The following PRDM10 variants were observed in gnomAD, a reference collection of about 807,000 sequenced individuals.
The protein encoded by PRDM10 is PR domain zinc finger protein 10.
Under a neutral mutation model 133.1 loss-of-function variants are expected in PRDM10, and 65 were observed. The observed-to-expected ratio is 0.49, with a 90% CI of 0.40 to 0.60. PRDM10 has a LOEUF of 0.60. PRDM10 is among the 20% of genes least tolerant of loss of function. The pLI is 0.00. For missense variants in PRDM10, 1,137 were observed against 1,507.1 expected (o/e 0.75, Z 4.07); for synonymous variants, 582 against 580.4 (o/e 1.00, Z -0.04).
In PRDM10 at chr11:129,931,362, G is replaced by GA. The variant is rs886093563; in HGVS notation, c.1288-105dup. 20 of 1,414,100 alleles carry GA rather than the reference G, an allele frequency of 1.4e-5. No homozygotes were observed. The African/African-American group carries it at 2.5e-4, about 17-fold the overall frequency. 87.6% of individuals were successfully genotyped at this position (1,414,100 alleles called of 1,614,324 possible). A position where few individuals can be genotyped will look rare whatever the true frequency, so the allele number is the denominator to read the frequency against. Reference sequence around the variant, plus strand: ...AGAATGACTAGATTCATAATACTCAGAAAAAATATTCTCCCTCTGGGAAAG... The same window carrying GA: ...AGAATGACTAGATTCATAATACTCAGAAAAAAATATTCTCCCTCTGGGAAAG... On this transcript the variant is annotated intron_variant, in intron 10 of 20. Coordinates refer to ENST00000360871, the MANE Select transcript of PRDM10 (RefSeq NM_199437.2).
intron 7 of PRDM10, among the ~76,000 whole-genome samples, chr11:129,939,122 A>T (rs916489883): frequency 2.6e-5 from 4 of 152,046 alleles, no homozygotes; most frequent in African/African-American, 9.7e-5. Context: ...TTCCTGCACC[A>T]TCTGTTTCCT....
intron 17 of PRDM10, among the ~76,000 whole-genome samples, chr11:129,912,929 G>A (rs1485091510): frequency 4.7e-5 from 7 of 149,876 alleles, no homozygotes; most frequent in Admixed American, 1.3e-4. Flanking sequence ...GTGTGGTGGC[G>A]AGCACCTGTA....
At chr11:129,937,775 C>T in intron 7 of PRDM10, 105 bp from the exon 8 acceptor site, 8 of 984,206 alleles carry the variant, frequency 8.1e-6, no homozygotes, top group South Asian at 1.6e-5. Context: ...GGCTTTTCCA[C>T]AGCCCATTAA....
intron 1 of PRDM10, among the ~76,000 whole-genome samples, chr11:129,968,770 C>A (rs1951956963): frequency 6.6e-6 from 1 of 152,198 alleles, no homozygotes; most frequent in South Asian, 2.1e-4. Flanking sequence ...GCCGTTCACC[C>A]CACAGCCCTA....
rs116378728 is a variant in PRDM10, at chr11:129,923,468, C to T, written c.1879-65G>A. On this transcript the variant is annotated intron_variant, in intron 12 of 20. Coordinates refer to ENST00000360871, the MANE Select transcript of PRDM10 (RefSeq NM_199437.2). This position sits in a 1 kb window ranked among gnomAD's most constrained non-coding sequence, Gnocchi z 4.4. ...CACCAAATGAAATGACCAAAGGCAG[C>T]TTGTCAACGCTAGAGGGAGCCAAAC... 40,171 of 1,510,200 alleles carry T rather than the reference C, an allele frequency of 0.027. 737 individuals carry two copies. The highest frequency in any genetic ancestry group is 0.072 in the African/African-American group (5,178 of 72,076). The allele number at this position is 1,510,200 out of a possible 1,614,324, so 93.5% of individuals were successfully genotyped here.
In PRDM10 at chr11:129,979,885, G is replaced by A. The variant is rs567945210; in HGVS notation, c.-118-18803C>T. On this transcript the variant is annotated intron_variant, in intron 1 of 20. Coordinates refer to ENST00000360871, the MANE Select transcript of PRDM10 (RefSeq NM_199437.2). ...AGCTCTGCAGGCTTCTCTGCCTCTC[G>A]GCAGCCCCTTCCGACCTTCAGTTCC... Among the ~76,000 whole-genome samples, 22 of 152,286 alleles carry A rather than the reference G, an allele frequency of 1.4e-4. No individual in the cohort carries two copies. The South Asian group carries it at 3.3e-3, about 23-fold the overall frequency.
At chr11:129,996,497 C>T (rs74738241) in intron 1 of PRDM10, among the ~76,000 whole-genome samples, 4,685 of 152,262 alleles carry the variant, frequency 0.031, 193 homozygotes, top group African/African-American at 0.094. Flanking sequence ...AACACAGCCA[C>T]GCTCTCACAC....
At chr11:129,936,201 T>C (rs1951023846) in intron 8 of PRDM10, among the ~76,000 whole-genome samples, 2 of 152,180 alleles carry the variant, frequency 1.3e-5, no homozygotes, top group South Asian at 4.1e-4. Flanking sequence ...GGGTGGTATG[T>C]CCTGAGGACA....
In PRDM10 at chr11:129,937,656, T is replaced by A. The variant is rs575329107; in HGVS notation, c.981A>T (p.Ala327=). 6.2e-7 allele frequency: 1 copy of A among 1,613,592 alleles called. No individual in the cohort carries two copies. The highest frequency in any genetic ancestry group is 1.7e-5 in the Admixed American group (1 of 59,926). ...PKQELKVWYA[A]SYAEFVNQKI... is the part of the protein sequence containing the mutation. ...TCTGGTTCACGAACTCAGCATAGGA[T>A]GCGGCATACCACACCTGCAAGAAGC... Residue 327 remains alanine (A), a synonymous_variant, in exon 8 of 21, where the codon GCA becomes GCT. Coordinates refer to ENST00000360871, the MANE Select transcript of PRDM10 (RefSeq NM_199437.2).
At chr11:130,002,657 C>G (rs1057190030) in intron 1 of PRDM10, 65 bp downstream of exon 1, 1 of 153,380 alleles carries the variant, frequency 6.5e-6, no homozygotes, top group African/African-American at 2.4e-5. Context: ...ACGAAACACC[C>G]TCCCAGTCTA....
rs141679521 is a variant in PRDM10 at position 129,947,151 on chromosome 11, C to T, written c.514G>A (p.Asp172Asn). 6.9e-5 allele frequency: 112 copies of T among 1,614,018 alleles called. No homozygotes were observed. The African/African-American group carries it at 1.1e-3, about 16-fold the overall frequency. Residue 172 changes from aspartate (D) to asparagine (N), a missense_variant, in exon 5 of 21, where the codon GAC (aspartate) becomes AAC (asparagine). Physicochemically the swap from Asp to Asn is conservative, Grantham distance 23. This residue lies in a region of PRDM10 where 635 missense variants were observed against 835.2 expected (regional missense o/e 0.76). Coordinates refer to ENST00000360871, the MANE Select transcript of PRDM10 (RefSeq NM_199437.2). The surrounding 1 kb of genome is among the most constrained non-coding windows in gnomAD (Gnocchi z 4.6). Reference sequence around the variant, plus strand: ...GACCCGTGCCCACACTTACACAAGTCGTGTGGGTCGAAGGGCCGGGGCGGG... The same window carrying T: ...GACCCGTGCCCACACTTACACAAGTTGTGTGGGTCGAAGGGCCGGGGCGGG... ...PDPPRPFDPH[D>N]LWCEECNNAH... is the part of the protein sequence containing the mutation.
At position 129,954,080 on chromosome 11, in the gene PRDM10, A is replaced by C. The variant is rs1951647712; in HGVS notation, c.294+1432T>G. 2.7e-5 allele frequency among the ~76,000 whole-genome samples: 4 copies of C among 150,772 alleles called. No individual in the cohort carries two copies. The South Asian group carries it at 8.3e-4, about 31-fold the overall frequency. On this transcript the variant is annotated intron_variant, in intron 4 of 20. Coordinates refer to ENST00000360871, the MANE Select transcript of PRDM10 (RefSeq NM_199437.2). ...CCCCATTACATTGCCGTTCACTGCC[A>C]GTCATGAATGAATTTAACCCCAACT...
chr11:129,946,089 A>C lies in PRDM10; in HGVS notation c.520+1056T>G, dbSNP rs193073204. 2.3e-3 allele frequency among the ~76,000 whole-genome samples: 347 copies of C among 151,762 alleles called. 1 individual carries two copies. Among genetic ancestry groups the C allele is most frequent in the African/African-American group, 7.8e-3 (323 of 41,348 alleles). On this transcript the variant is annotated intron_variant, in intron 5 of 20. Transcript: ENST00000360871. ...CCATCTCTACTAAAAATACAAAAAA[A>C]AAAAATTAGCTGGGCGTGGTGGTGC... is the stretch of plus-strand genomic sequence containing the variant.
At chr11:129,912,478 G>A (rs567893931) in intron 17 of PRDM10, among the ~76,000 whole-genome samples, 8 of 152,320 alleles carry the variant, frequency 5.3e-5, no homozygotes, top group Admixed American at 1.3e-4. Context: ...ATGGCCGGGC[G>A]CCGTGGCTCA....
chr11:129,923,300 C>T lies in PRDM10; in HGVS notation c.1982G>A (p.Arg661Gln), dbSNP rs1337083054. Residue 661 changes from arginine (R) to glutamine (Q), a missense_variant, in exon 13 of 21, where the codon CGG (arginine) becomes CAG (glutamine). Arg to Gln is a conservative substitution (Grantham distance 43, BLOSUM62 1). This residue lies in a region of PRDM10 where 3 missense variants were observed against 21.5 expected (regional missense o/e 0.14). Coordinates refer to ENST00000360871, the MANE Select transcript of PRDM10 (RefSeq NM_199437.2). The surrounding 1 kb of genome is among the most constrained non-coding windows in gnomAD (Gnocchi z 4.4). ...RPDKLRLHMLRHSDRKDFLCS... is the reference protein window; with the variant it reads ...RPDKLRLHMLQHSDRKDFLCS... ...CAGGAAGTCTTTGCGGTCCGAATGC[C>T]GGAGCATGTGGAGTCGCAGTTTATC... The T allele has an allele frequency of 6.2e-7, 1 of 1,603,690 alleles. No individual in the cohort carries two copies. Among genetic ancestry groups the T allele is most frequent in the Non-Finnish European group, 8.5e-7 (1 of 1,174,874 alleles).
intron 1 of PRDM10, among the ~76,000 whole-genome samples, chr11:129,967,172 C>T (rs532472913): frequency 6.6e-6 from 1 of 152,134 alleles, no homozygotes; most frequent in African/African-American, 2.4e-5. Flanking sequence ...GGGTGGATCA[C>T]GAGGTCAGGA....
chr11:129,914,040 C>T (rs972544543), intron 17 of PRDM10, among the ~76,000 whole-genome samples: 3 of 152,042 alleles, frequency 2.0e-5, no homozygotes, highest in East Asian at 3.9e-4. Flanking sequence ...CCTGTTCTGT[C>T]GCCCAGGCTG....
chr11:129,907,537 T>C (rs906818089), intron 19 of PRDM10, among the ~76,000 whole-genome samples: 1 of 152,020 alleles, frequency 6.6e-6, no homozygotes, highest in Non-Finnish European at 1.5e-5. Context: ...CCTGAGTAAC[T>C]GGGACTGTAG....
At chr11:129,979,983 A>G (rs1313288764) in intron 1 of PRDM10, among the ~76,000 whole-genome samples, 2 of 152,254 alleles carry the variant, frequency 1.3e-5, no homozygotes, top group Non-Finnish European at 2.9e-5. Flanking sequence ...AGGAAAATGT[A>G]AATTAAAGCC....
Sources: gnomAD v4.1 joint callset for allele counts (sites outside exome capture counted in the v4.1 genomes callset) on GRCh38, gnomAD v4.1.1 for gene constraint, gnomAD v4.1.1 regional missense constraint, Gnocchi (gnomAD v3.1) non-coding constraint, MANE v1.5 for transcripts, NCBI Gene and HGNC (gene_info 2026-07-23, HGNC 2026-07-21) for gene names.